The following EXOSC1 variants were observed in gnomAD, a reference collection of about 807,000 sequenced individuals.
EXOSC1 encodes exosome component 1, also known as exosome complex component CSL4.
Under a neutral mutation model 31.4 loss-of-function variants are expected in EXOSC1, and 27 were observed. The observed-to-expected ratio is 0.86, with a 90% CI of 0.63 to 1.18. The LOEUF (loss-of-function observed/expected upper bound fraction) is 1.18, where lower values mean the gene tolerates loss of function less well. EXOSC1 is among the 50% of genes most tolerant of loss of function. The probability of loss-of-function intolerance (pLI) is 0.00; values close to 1 mark genes in which losing one functional copy is unlikely to be tolerated. For synonymous variants in EXOSC1, 84 were observed against 89.5 expected (o/e 0.94, Z 0.35); for missense variants, 228 against 250.3 (o/e 0.91, Z 0.60).
chr10:97,442,558 A>T (rs1204420938), intron 3 of EXOSC1, among the ~76,000 whole-genome samples: 1 of 152,116 alleles, frequency 6.6e-6, no homozygotes, highest in Non-Finnish European at 1.5e-5. Context: ...TTGCCCTGTT[A>T]CCCAAGCTGG....
Position 97,445,995 on chromosome 10 carries a change from T to G in EXOSC1, c.-10A>C, listed in dbSNP as rs776394100. The G allele has an allele frequency of 6.9e-5, 111 of 1,614,120 alleles. 3 individuals carry two copies. In the South Asian group the frequency reaches 9.3e-4, roughly 14 times the overall value. ...TCACAGGTGGCGCCATGATTGCCGC[T>G]GTCCCAAAACCAGGATGAAAACGAA... On this transcript the variant is annotated 5_prime_UTR_variant, in exon 1 of 8. Transcript: ENST00000370902.
chr10:97,437,700 C>T lies in EXOSC1; in HGVS notation c.396G>A (p.Val132=). 3 of 1,613,088 alleles carry T rather than the reference C, an allele frequency of 1.9e-6. No individual in the cohort carries two copies. The highest frequency in any genetic ancestry group is 2.5e-6 in the Non-Finnish European group (3 of 1,179,294). ...GAAGTCTGCTGGGAATAAAGGATAC[C>T]ACTTTGGCCAAGACAATGTCACCTG... ...FRPGDIVLAK[V]ISLGDAQSNY... is the part of the protein sequence containing the mutation. The change falls in exon 6 of 8, where the codon GTG becomes GTA. Residue 132 remains valine (V), a splice_region_variant and synonymous_variant. Transcript: ENST00000370902.
At chr10:97,445,562 G>T (rs916129890) in intron 2 of EXOSC1, 170 bp downstream of exon 2, 2 of 632,908 alleles carry the variant, frequency 3.2e-6, no homozygotes, top group Non-Finnish European at 5.5e-6. Flanking sequence ...CACAACTAGT[G>T]TGTGGTGGCT....
At chr10:97,439,002 T>C (rs1427295149) in intron 4 of EXOSC1, among the ~76,000 whole-genome samples, 2 of 152,154 alleles carry the variant, frequency 1.3e-5, no homozygotes, top group African/African-American at 4.8e-5. Context: ...TCCACCCGCC[T>C]CAGCTTCCCA....
chr10:97,445,587 G>T, intron 2 of EXOSC1, 145 bp downstream of exon 2: 1 of 699,710 alleles, frequency 1.4e-6, no homozygotes. Context: ...GCACCACAGC[G>T]GCGATACGGC....
intron 5 of EXOSC1, among the ~76,000 whole-genome samples, chr10:97,438,126 T>C (rs1845604416): frequency 6.6e-6 from 1 of 151,130 alleles, no homozygotes; most frequent in Non-Finnish European, 1.5e-5. Context: ...ACCATGTTGG[T>C]CAGGCTGGTC....
rs950947077 is a variant in EXOSC1, at chr10:97,445,902, G to C, written c.31+53C>G. 9.9e-6 allele frequency: 16 copies of C among 1,613,606 alleles called. No individual in the cohort carries two copies. The South Asian group carries it at 1.6e-4, about 17-fold the overall frequency. ...GCCCCCAGAAGCTGTAGGCCGTTTA[G>C]CCTTCTTGCTTCAGCCCCTATCCAG... is the stretch of plus-strand genomic sequence containing the variant. On this transcript the variant is annotated intron_variant, in intron 1 of 7. Transcript: ENST00000370902.
At chr10:97,440,582 A>C (rs999665462) in intron 4 of EXOSC1, among the ~76,000 whole-genome samples, 1 of 150,988 alleles carries the variant, frequency 6.6e-6, no homozygotes, top group African/African-American at 2.4e-5. Context: ...GCAATGGCGC[A>C]ATCTTGGCTC....
chr10:97,438,664 A>G lies in EXOSC1; in HGVS notation c.345+6T>C. On this transcript the variant is annotated splice_donor_region_variant and intron_variant, in intron 5 of 7. Transcript: ENST00000370902. The stretch of plus-strand genomic sequence containing the variant: ...AGCCATTAAAAAAAAAGAACCAACC[A>G]ACAACCTTGTCTTTTTCAGTTGCTC... 6.2e-7 allele frequency: 1 copy of G among 1,611,786 alleles called. No homozygotes were observed. Among genetic ancestry groups the G allele is most frequent in the Non-Finnish European group, 8.5e-7 (1 of 1,179,062 alleles).
chr10:97,445,372 TA>T (rs1845906946), intron 2 of EXOSC1: 2 of 235,634 alleles, frequency 8.5e-6, no homozygotes, highest in African/African-American at 4.5e-5. Flanking sequence ...ACAGTATGAC[TA>T]GATTGCGTCA....
At position 97,439,331 on chromosome 10, in the gene EXOSC1, G is replaced by C. The variant is rs1845643373; in HGVS notation, c.312-628C>G. Reference sequence around the variant, plus strand: ...TGTGAGGAACCGGGCTGCATAGAAGGAAGTGAGTGGCAGGCAAGCTTCATC... The same window carrying C: ...TGTGAGGAACCGGGCTGCATAGAAGCAAGTGAGTGGCAGGCAAGCTTCATC... On this transcript the variant is annotated intron_variant, in intron 4 of 7. Coordinates refer to ENST00000370902, the MANE Select transcript of EXOSC1 (RefSeq NM_016046.5). Among the ~76,000 whole-genome samples, 3 of 152,332 alleles carry C rather than the reference G, an allele frequency of 2.0e-5. No individual in the cohort carries two copies. The South Asian group carries it at 6.2e-4, about 32-fold the overall frequency.
intron 3 of EXOSC1, among the ~76,000 whole-genome samples, chr10:97,442,681 T>C (rs1453286398): frequency 6.6e-6 from 1 of 151,942 alleles, no homozygotes; most frequent in African/African-American, 2.4e-5. Flanking sequence ...GCTAATTTTT[T>C]ATTCTTCTTC....
At chr10:97,445,926 A>G in intron 1 of EXOSC1, 29 bp downstream of exon 1, 1 of 1,613,890 alleles carries the variant, frequency 6.2e-7, no homozygotes, top group Non-Finnish European at 8.5e-7. Context: ...GCCCCTATCC[A>G]GGACTCTGTA....
chr10:97,436,464 G>T lies in EXOSC1; in HGVS notation c.569C>A (p.Pro190His), dbSNP rs781025980. The T allele has an allele frequency of 6.2e-7, 1 of 1,613,144 alleles. No homozygotes were observed. Among genetic ancestry groups the T allele is most frequent in the Non-Finnish European group, 8.5e-7 (1 of 1,179,536 alleles). The change falls in exon 8 of 8, where the codon CCC becomes CAC. Residue 190 changes from proline (P) to histidine (H), a missense_variant. Pro to His is a moderately conservative substitution (Grantham distance 77). Coordinates refer to ENST00000370902, the MANE Select transcript of EXOSC1 (RefSeq NM_016046.5). Reference sequence around the variant, plus strand: ...GGCTTCTTAGGTCTGCAAGAATTCGGGTTGTACTCGGGCTACTTTCCGGAA... The same window carrying T: ...GGCTTCTTAGGTCTGCAAGAATTCGTGTTGTACTCGGGCTACTTTCCGGAA... ...KEFRKVARVQPEFLQT is the reference protein window; with the variant it reads ...KEFRKVARVQHEFLQT
In EXOSC1 at chr10:97,441,179, TC is replaced by T; in HGVS notation, c.302del (p.Gly101GlufsTer32). 6.2e-7 allele frequency: 1 copy of T among 1,613,760 alleles called. No individual in the cohort carries two copies. Among genetic ancestry groups the T allele is most frequent in the Non-Finnish European group, 8.5e-7 (1 of 1,179,666 alleles). ...AAAAGGATACTTCTTACCGGATAGT[TC>T]CTCGAAAAGAGTTCTTAAGAGGCAT... ...GSMPLKNSFR[G>X]TIRKEDVRAT... is the part of the protein sequence containing the mutation. On this transcript the variant is annotated frameshift_variant, in exon 4 of 8. Coordinates refer to ENST00000370902, the MANE Select transcript of EXOSC1 (RefSeq NM_016046.5). LOFTEE classifies it high-confidence loss of function.
At chr10:97,445,507 C>A in intron 2 of EXOSC1, 1 of 578,822 alleles carries the variant, frequency 1.7e-6, no homozygotes, top group Non-Finnish European at 3.1e-6. Context: ...GCTTTTGTCC[C>A]AACTTCCCTC....
chr10:97,445,557 C>A (rs1186812249), intron 2 of EXOSC1, 175 bp downstream of exon 2: 1 of 628,824 alleles, frequency 1.6e-6, no homozygotes, highest in Non-Finnish European at 2.7e-6. Flanking sequence ...ATCAACACAA[C>A]TAGTGTGTGG....
In EXOSC1 at chr10:97,445,738, A is replaced by G; in HGVS notation, c.141T>C (p.Asn47=). ...LAGCLMKSSE[N]GALPVVSVVR... is the part of the protein sequence containing the mutation. ...GGCATGCCGCTTCCTTTACCGCGCC[A>G]TTCTCGCTGCTCTTCATCAGACAGC... The change falls in exon 2 of 8, where the codon AAT becomes AAC. Residue 47 remains asparagine (N), a synonymous_variant. Coordinates refer to ENST00000370902, the MANE Select transcript of EXOSC1 (RefSeq NM_016046.5). 2 of 1,613,024 alleles carry G rather than the reference A, an allele frequency of 1.2e-6. No individual in the cohort carries two copies. Among genetic ancestry groups the G allele is most frequent in the Non-Finnish European group, 1.7e-6 (2 of 1,179,102 alleles).
intron 4 of EXOSC1, among the ~76,000 whole-genome samples, chr10:97,440,163 T>G (rs185940509): frequency 0.042 from 6,400 of 151,444 alleles, 205 homozygotes; most frequent in Non-Finnish European, 0.068. Flanking sequence ...GTAGAGACGG[T>G]GTTTCTCCAT....
Sources: allele counts gnomAD v4.1 joint callset (sites outside exome capture counted in the v4.1 genomes callset), GRCh38; gene constraint gnomAD v4.1.1; transcripts MANE v1.5; gene names NCBI Gene and HGNC (gene_info 2026-07-23, HGNC 2026-07-21).